The following PTPRJ variants were observed in gnomAD, a reference collection of about 807,000 sequenced individuals.
The protein encoded by PTPRJ is receptor-type tyrosine-protein phosphatase eta.
A neutral mutation model predicts 141.3 loss-of-function variants in PTPRJ; 129 were observed. The ratio of observed to expected loss-of-function variants is 0.91; its 90% confidence interval spans 0.79 to 1.06. The LOEUF (loss-of-function observed/expected upper bound fraction) is 1.06, where lower values mean the gene tolerates loss of function less well. Ranked by LOEUF, PTPRJ falls within the 50% of genes least tolerant of loss-of-function variation. The probability of loss-of-function intolerance (pLI) is 0.00; values close to 1 mark genes in which losing one functional copy is unlikely to be tolerated. For synonymous variants in PTPRJ, 610 were observed against 640.5 expected (o/e 0.95, Z 0.72); for missense variants, 1,601 against 1,679.7 (o/e 0.95, Z 0.82).
chr11:48,001,948 C>G (rs751089771), intron 1 of PTPRJ, among the ~76,000 whole-genome samples: 17 of 152,068 alleles, frequency 1.1e-4, no homozygotes, highest in Admixed American at 7.2e-4. Flanking sequence ...TTTTGTTGTT[C>G]AAGTTGGTGA....
Position 48,130,534 on chromosome 11 carries a change from A to G in PTPRJ, c.1433A>G (p.Asp478Gly), listed in dbSNP as rs1305614358. The change falls in exon 8 of 25, where the codon GAT (aspartate) becomes GGT (glycine). Residue 478 changes from aspartate (D) to glycine (G), a missense_variant. Transcript: ENST00000418331. ...TEIGLAWSSH[D>G]AESFQMHITQ... is the part of the protein sequence containing the mutation. The stretch of plus-strand genomic sequence containing the variant: ...ATCGGCTTAGCATGGAGCAGCCATG[A>G]TGCAGAATCATTTCAGATGCATATC... 4.3e-6 allele frequency: 7 copies of G among 1,613,998 alleles called. No individual in the cohort carries two copies. Among genetic ancestry groups the G allele is most frequent in the Middle Eastern group, 1.6e-4 (1 of 6,084 alleles).
chr11:48,159,113 TGTATGTGGG>T (rs1311683723), intron 21 of PTPRJ, among the ~76,000 whole-genome samples: 10 of 40,792 alleles, frequency 2.5e-4, no homozygotes, highest in East Asian at 1.3e-3. Flanking sequence ...TGTGTGTGTG[TGTATGTGGG>T]GTGTGTGTGT....
intron 8 of PTPRJ, chr11:48,131,388 A>C: frequency 1.5e-6 from 1 of 654,278 alleles, no homozygotes; most frequent in Admixed American, 2.3e-5. Context: ...CAGCCCACAA[A>C]TATATATTTA....
rs368230622 is a variant in PTPRJ, at chr11:48,131,031, T to TACACAC, written c.1615+331_1615+336dup. Among the ~76,000 whole-genome samples, 488 of 69,102 alleles carry TACACAC rather than the reference T, an allele frequency of 7.1e-3. 6 individuals are homozygous for TACACAC. Among genetic ancestry groups the TACACAC allele is most frequent in the South Asian group, 0.04 (60 of 1,508 alleles). 45.3% of individuals were successfully genotyped at this position (69,102 alleles called of 152,430 possible). A position where few individuals can be genotyped will look rare whatever the true frequency, so the allele number is the denominator to read the frequency against. ...TAATACATATATATTTAATATTTAA[T>TACACAC]ACACACACACACACACACACATATA... On this transcript the variant is annotated intron_variant, in intron 8 of 24. Coordinates refer to ENST00000418331, the MANE Select transcript of PTPRJ (RefSeq NM_002843.4).
Position 48,156,118 on chromosome 11 carries a change from GAGTA to G in PTPRJ, c.3438+4_3438+7del. 6.3e-7 allele frequency: 1 copy of G among 1,579,016 alleles called. No homozygotes were observed. The highest frequency in any genetic ancestry group is 8.7e-7 in the Non-Finnish European group (1 of 1,153,714). On this transcript the variant is annotated splice_donor_variant and splice_donor_region_variant and coding_sequence_variant and intron_variant, in exon 21 of 25. Coordinates refer to ENST00000418331, the MANE Select transcript of PTPRJ (RefSeq NM_002843.4). LOFTEE classifies it high-confidence loss of function. ...TTGACTAAATGTGTTGAACAGGGAA[GAGTA>G]AGTATCTTTTTTAGTTTTTAAAATT...
chr11:48,025,494 T>C (rs12291213), intron 1 of PTPRJ, among the ~76,000 whole-genome samples: 2,301 of 152,266 alleles, frequency 0.015, 64 homozygotes, highest in African/African-American at 0.052. Flanking sequence ...AGGGTCAGAA[T>C]AGGTGGGTGT....
chr11:48,019,610 C>T (rs982955704), intron 1 of PTPRJ, among the ~76,000 whole-genome samples: 1 of 152,166 alleles, frequency 6.6e-6, no homozygotes, highest in Non-Finnish European at 1.5e-5. Flanking sequence ...CAGGAACATT[C>T]AGTGTTTTGG....
At chr11:48,054,807 T>C (rs892792609) in intron 1 of PTPRJ, among the ~76,000 whole-genome samples, 2 of 150,998 alleles carry the variant, frequency 1.3e-5, no homozygotes, top group East Asian at 1.9e-4. Context: ...CTCATTTTTT[T>C]CCTTTCTTTC....
chr11:48,008,531 TA>T (rs1276173431), intron 1 of PTPRJ, among the ~76,000 whole-genome samples: 1 of 151,942 alleles, frequency 6.6e-6, no homozygotes, highest in East Asian at 1.9e-4. Flanking sequence ...GTGCTGGGAT[TA>T]CAGGCGTGAG....
intron 1 of PTPRJ, among the ~76,000 whole-genome samples, chr11:48,107,911 T>C (rs1301842369): frequency 6.6e-6 from 1 of 151,922 alleles, no homozygotes; most frequent in African/African-American, 2.4e-5. Flanking sequence ...AGTGAGATGC[T>C]GTCCCCATAC....
At chr11:48,149,805 G>T in intron 16 of PTPRJ, 185 bp from the exon 17 acceptor site, 1 of 581,658 alleles carries the variant, frequency 1.7e-6, no homozygotes, top group Non-Finnish European at 3.0e-6. Flanking sequence ...TAGTTACAAA[G>T]TAGGGTCTAG....
intron 1 of PTPRJ, among the ~76,000 whole-genome samples, chr11:48,057,597 T>C (rs1049738956): frequency 3.9e-5 from 6 of 151,906 alleles, no homozygotes; most frequent in Admixed American, 3.3e-4. Flanking sequence ...GTAGCCCCCA[T>C]AATACTTCTA....
intron 3 of PTPRJ, among the ~76,000 whole-genome samples, chr11:48,118,260 T>A (rs1856617000): frequency 6.6e-6 from 1 of 152,146 alleles, no homozygotes; most frequent in Admixed American, 6.5e-5. Context: ...CTTTTAAAAT[T>A]TTTTTGTAGA....
At chr11:48,109,111 G>A (rs1856372680) in intron 1 of PTPRJ, among the ~76,000 whole-genome samples, 1 of 152,108 alleles carries the variant, frequency 6.6e-6, no homozygotes, top group Non-Finnish European at 1.5e-5. Context: ...GAATAAATAT[G>A]TAAAGGCTCT....
At chr11:48,025,953 A>G (rs75001072) in intron 1 of PTPRJ, among the ~76,000 whole-genome samples, 6 of 152,178 alleles carry the variant, frequency 3.9e-5, no homozygotes, top group Middle Eastern at 3.4e-3. Flanking sequence ...CATCCCCCCA[A>G]TTATGGAAAT....
Position 48,160,026 on chromosome 11 carries a change from A to G in PTPRJ, c.3535A>G (p.Ile1179Val). 1 of 1,614,018 alleles carries G rather than the reference A, an allele frequency of 6.2e-7. No individual in the cohort carries two copies. Among genetic ancestry groups the G allele is most frequent in the Non-Finnish European group, 8.5e-7 (1 of 1,179,868 alleles). ...TSEIVLPEWT[I>V]RDFTVKNIQT... Reference sequence around the variant, plus strand: ...AGAAATTGTTCTTCCGGAATGGACCATCAGAGATTTCACAGTGAAAAATGT... The same window carrying G: ...AGAAATTGTTCTTCCGGAATGGACCGTCAGAGATTTCACAGTGAAAAATGT... Residue 1179 changes from isoleucine to valine, a missense_variant, in exon 22 of 25, where the codon ATC becomes GTC. Physicochemically the swap from Ile to Val is conservative, Grantham distance 29. Coordinates refer to ENST00000418331, the MANE Select transcript of PTPRJ (RefSeq NM_002843.4).
chr11:47,982,368 C>T (rs1373290841), intron 1 of PTPRJ, among the ~76,000 whole-genome samples: 1 of 152,210 alleles, frequency 6.6e-6, no homozygotes, highest in African/African-American at 2.4e-5. Flanking sequence ...GCACCCTCTG[C>T]CCAATGGAAT....
intron 1 of PTPRJ, among the ~76,000 whole-genome samples, chr11:48,068,757 C>T (rs192495031): frequency 6.6e-6 from 1 of 152,260 alleles, no homozygotes; most frequent in East Asian, 1.9e-4. Flanking sequence ...GGAATCTGGC[C>T]CTGCCCTTAC....
At chr11:48,135,989 G>A in intron 8 of PTPRJ, 50 bp from the exon 9 acceptor site, 1 of 1,582,980 alleles carries the variant, frequency 6.3e-7, no homozygotes, top group Non-Finnish European at 8.6e-7. Flanking sequence ...GAGGAAGCTG[G>A]GCGTCATGAT....
Sources: allele counts gnomAD v4.1 joint callset (sites outside exome capture counted in the v4.1 genomes callset), GRCh38; gene constraint gnomAD v4.1.1; transcripts MANE v1.5; gene names NCBI Gene and HGNC (gene_info 2026-07-23, HGNC 2026-07-21).